The following ESR1 variants were observed in gnomAD, a reference collection of about 807,000 sequenced individuals.
The protein encoded by ESR1 is estrogen receptor.
In ESR1, 12 loss-of-function variants were observed where a neutral mutation model predicts 52.7. The observed-to-expected ratio is 0.23, with a 90% CI of 0.15 to 0.37. The LOEUF (loss-of-function observed/expected upper bound fraction) is 0.37. Ranked by LOEUF, ESR1 falls within the 10% of genes least tolerant of loss-of-function variation. ESR1 has a pLI of 1.00. For missense variants in ESR1, 584 were observed against 779.7 expected (o/e 0.75, Z 2.99); for synonymous variants, 305 against 316.8 (o/e 0.96, Z 0.39).
chr6:151,962,010 T>C (rs1202957486), intron 4 of ESR1, among the ~76,000 whole-genome samples: 7 of 152,044 alleles, frequency 4.6e-5, no homozygotes, highest in Non-Finnish European at 1.0e-4. Context: ...GAGGCAGTGA[T>C]GCTGATGAAT....
At chr6:151,835,615 G>A (rs965631863) in intron 1 of ESR1, among the ~76,000 whole-genome samples, 1 of 152,212 alleles carries the variant, frequency 6.6e-6, no homozygotes, top group Admixed American at 6.5e-5. Context: ...TGGAACTAGA[G>A]CTTGATTTTC....
chr6:151,699,868 G>C (rs946978790), intron 1 of ESR1, among the ~76,000 whole-genome samples: 18 of 152,082 alleles, frequency 1.2e-4, no homozygotes, highest in African/African-American at 3.9e-4. Context: ...TGAGAATTGA[G>C]CAATTATCTG....
rs972316722 is a variant in ESR1, at chr6:151,777,476, G to A, written c.-70-30367G>A. Among the ~76,000 whole-genome samples, 5 of 152,104 alleles carry A rather than the reference G, an allele frequency of 3.3e-5. No individual in the cohort carries two copies. The East Asian group carries it at 9.7e-4, about 29-fold the overall frequency. The stretch of plus-strand genomic sequence containing the variant: ...GGTATTGGTTAGGGTTGAGGCAATG[G>A]AAATCTGAAAGAAAGGGTGAGTTAG... On this transcript the variant is annotated intron_variant, in intron 2 of 2. Coordinates refer to the ESR1 transcript ENST00000404742.
Position 151,920,215 on chromosome 6 carries a change from T to G in ESR1, c.761-23958T>G, listed in dbSNP as rs140711319. Among the ~76,000 whole-genome samples, 1,461 of 152,130 alleles carry G rather than the reference T, an allele frequency of 9.6e-3. 24 individuals carry two copies. Among genetic ancestry groups the G allele is most frequent in the African/African-American group, 0.031 (1,301 of 41,490 alleles). The stretch of plus-strand genomic sequence containing the variant: ...TGCGCCATCAACATAGCAGCATGAA[T>G]GGTAGAGACTAGTCATTCCAAACAG... On this transcript the variant is annotated intron_variant, in intron 3 of 7. Transcript: ENST00000206249.
At chr6:151,747,320 A>C (rs1252698540) in intron 2 of ESR1, among the ~76,000 whole-genome samples, 6 of 152,226 alleles carry the variant, frequency 3.9e-5, no homozygotes, top group African/African-American at 1.4e-4. Flanking sequence ...ATCACTGAAT[A>C]AGCAGATGGG....
At chr6:151,760,910 T>A (rs1246583529) in intron 2 of ESR1, among the ~76,000 whole-genome samples, 2 of 152,244 alleles carry the variant, frequency 1.3e-5, no homozygotes, top group African/African-American at 4.8e-5. Context: ...AAAAACTCTA[T>A]GATTGAGACC....
At chr6:151,959,693 C>CT (rs59292149) in intron 4 of ESR1, among the ~76,000 whole-genome samples, 32,633 of 149,464 alleles carry the variant, frequency 0.22, 4,407 homozygotes, top group African/African-American at 0.38. Flanking sequence ...TGTCTCAATT[C>CT]TTTTTTTTTT....
chr6:151,755,466 A>T (rs906407709), intron 2 of ESR1, among the ~76,000 whole-genome samples: 1 of 151,990 alleles, frequency 6.6e-6, no homozygotes, highest in African/African-American at 2.4e-5. Context: ...TATCACTGCC[A>T]TTGCTACCCA....
chr6:151,709,455 T>C (rs563979359), intron 2 of ESR1, among the ~76,000 whole-genome samples: 173 of 152,310 alleles, frequency 1.1e-3, no homozygotes, highest in African/African-American at 4.1e-3. Flanking sequence ...GGAGTGCAGA[T>C]ATGGCTTTGA....
intron 2 of ESR1, among the ~76,000 whole-genome samples, chr6:151,858,242 T>C (rs529567237): frequency 6.6e-6 from 1 of 152,342 alleles, no homozygotes; most frequent in Non-Finnish European, 1.5e-5. Context: ...TGAGAAATCA[T>C]AGCAGAGGAA....
intron 5 of ESR1, among the ~76,000 whole-genome samples, chr6:152,023,053 A>G (rs368592323): frequency 2.0e-4 from 31 of 152,144 alleles, no homozygotes; most frequent in African/African-American, 7.2e-4. Flanking sequence ...CAGGAGTAAG[A>G]AGAAAAAGAC....
chr6:151,975,738 C>T (rs529892869), intron 4 of ESR1, among the ~76,000 whole-genome samples: 2 of 152,324 alleles, frequency 1.3e-5, no homozygotes, highest in East Asian at 3.9e-4. Flanking sequence ...AAAGTACTTT[C>T]ACAGCAACAT....
intron 3 of ESR1, among the ~76,000 whole-genome samples, chr6:151,908,900 G>C (rs1389198220): frequency 6.6e-6 from 1 of 151,418 alleles, no homozygotes; most frequent in East Asian, 1.9e-4. Flanking sequence ...TCATAGCAAG[G>C]AGTCCCACTG....
At chr6:151,714,164 T>C (rs147851773) in intron 2 of ESR1, among the ~76,000 whole-genome samples, 3,112 of 152,342 alleles carry the variant, frequency 0.02, 38 homozygotes, top group East Asian at 0.032. Flanking sequence ...GTGAGTTTCT[T>C]AATCCTGAGT....
chr6:151,984,405 T>C lies in ESR1; in HGVS notation c.1097-27251T>C, dbSNP rs181951682. On this transcript the variant is annotated intron_variant, in intron 4 of 7. Coordinates refer to ENST00000206249, the MANE Select transcript of ESR1 (RefSeq NM_000125.4). ...AGGAAATAATGTAAGCAGGATTCCA[T>C]TGGAGAACCAAACACTAGCAACAAC... Among the ~76,000 whole-genome samples, 8 of 152,300 alleles carry C rather than the reference T, an allele frequency of 5.3e-5. No homozygotes were observed. The South Asian group carries it at 6.2e-4, about 12-fold the overall frequency.
intron 2 of ESR1, among the ~76,000 whole-genome samples, chr6:151,762,896 C>T (rs930842425): frequency 8.6e-5 from 13 of 151,972 alleles, no homozygotes; most frequent in East Asian, 1.9e-4. Flanking sequence ...GCCGAGATCA[C>T]GCCACTGCAC....
intron 1 of ESR1, among the ~76,000 whole-genome samples, chr6:151,816,908 C>A (rs867944151): frequency 1.3e-5 from 2 of 151,944 alleles, no homozygotes; most frequent in South Asian, 4.1e-4. Context: ...CAAAGGCACT[C>A]CAAATCAGTA....
chr6:151,848,931 G>C (rs535092922), intron 2 of ESR1, among the ~76,000 whole-genome samples: 6 of 152,072 alleles, frequency 3.9e-5, no homozygotes, highest in Middle Eastern at 3.4e-3. Context: ...CTGTACTCCA[G>C]GCACACCAGC....
intron 4 of ESR1, among the ~76,000 whole-genome samples, chr6:151,980,505 A>G (rs1371151907): frequency 6.6e-6 from 1 of 152,196 alleles, no homozygotes; most frequent in Non-Finnish European, 1.5e-5. Flanking sequence ...GTTTGAACAA[A>G]AATCAAAAAC....
Sources: allele counts gnomAD v4.1 joint callset (sites outside exome capture counted in the v4.1 genomes callset), GRCh38; gene constraint gnomAD v4.1.1; transcripts MANE v1.5; gene names NCBI Gene and HGNC (gene_info 2026-07-23, HGNC 2026-07-21).